PDE8A: variants seen among roughly 807,000 people sequenced by gnomAD.
PDE8A encodes the protein high affinity cAMP-specific and IBMX-insensitive 3',5'-cyclic phosphodiesterase 8A.
PDE8A carries 59 observed loss-of-function variants against 105.0 expected under a neutral mutation model. The ratio of observed to expected loss-of-function variants is 0.56; its 90% confidence interval spans 0.46 to 0.70. The LOEUF (loss-of-function observed/expected upper bound fraction) is 0.70. PDE8A is among the 30% of genes least tolerant of loss of function. The pLI is 0.00. For synonymous variants in PDE8A, 355 were observed against 371.9 expected (o/e 0.95, Z 0.52); for missense variants, 1,014 against 1,045.9 (o/e 0.97, Z 0.42).
chr15:85,089,429 G>T lies in PDE8A; in HGVS notation c.714+13G>T. 1 of 1,442,142 alleles carries T rather than the reference G, an allele frequency of 6.9e-7. No homozygotes were observed. The allele number at this position is 1,442,142 out of a possible 1,614,324, so 89.3% of individuals were successfully genotyped here. A position where few individuals can be genotyped will look rare whatever the true frequency, so the allele number is the denominator to read the frequency against. Reference sequence around the variant, plus strand: ...CCGTTTTATACAGGTTTGTTATTTTGGAAATCTGTCTTTCTGGATTTCTTG... The same window carrying T: ...CCGTTTTATACAGGTTTGTTATTTTTGAAATCTGTCTTTCTGGATTTCTTG... On this transcript the variant is annotated intron_variant, in intron 7 of 21. Transcript: ENST00000394553.
chr15:85,096,129 C>T (rs1342771017), intron 8 of PDE8A, among the ~76,000 whole-genome samples: 1 of 152,118 alleles, frequency 6.6e-6, no homozygotes, highest in Non-Finnish European at 1.5e-5. Flanking sequence ...CTCGCCTCAG[C>T]CTCCCAAAGT....
At chr15:85,086,944 A>T (rs1164837027) in intron 6 of PDE8A, among the ~76,000 whole-genome samples, 1 of 151,442 alleles carries the variant, frequency 6.6e-6, no homozygotes, top group African/African-American at 2.4e-5. Flanking sequence ...TGTATTTTTT[A>T]GTAGATACGG....
chr15:85,132,656 A>C (rs1387818118), intron 20 of PDE8A, among the ~76,000 whole-genome samples: 2 of 151,978 alleles, frequency 1.3e-5, no homozygotes, highest in Non-Finnish European at 2.9e-5. Context: ...AGTAGAGATG[A>C]GGTTTCGCCA....
intron 1 of PDE8A, among the ~76,000 whole-genome samples, chr15:85,050,368 C>T (rs529491519): frequency 5.9e-5 from 9 of 152,068 alleles, no homozygotes; most frequent in Admixed American, 5.9e-4. Context: ...CCATTGATAT[C>T]ATACCCAAAA....
At chr15:85,112,615 C>T (rs1217411519) in intron 12 of PDE8A, among the ~76,000 whole-genome samples, 1 of 152,178 alleles carries the variant, frequency 6.6e-6, no homozygotes, top group African/African-American at 2.4e-5. Context: ...CCTTGGGCCT[C>T]AGTTTCTTCA....
chr15:85,085,402 A>G (rs542350427), intron 6 of PDE8A, among the ~76,000 whole-genome samples: 1 of 152,374 alleles, frequency 6.6e-6, no homozygotes, highest in East Asian at 1.9e-4. Flanking sequence ...AAACTAGAAT[A>G]TAAAAACCAG....
Position 85,014,653 on chromosome 15 carries a change from C to T in PDE8A, c.186+32305C>T, listed in dbSNP as rs145725011. On this transcript the variant is annotated intron_variant, in intron 1 of 21. Transcript: ENST00000394553. ...TATATTGATGTTCATATATTTATAC[C>T]CCTTTTAGAGAAATGGTGGCATACT... 2.3e-3 allele frequency among the ~76,000 whole-genome samples: 344 copies of T among 151,968 alleles called. 2 individuals are homozygous for T. The highest frequency in any genetic ancestry group is 4.1e-3 in the Non-Finnish European group (280 of 67,968).
At position 85,123,072 on chromosome 15, in the gene PDE8A, G is replaced by A. The variant is rs558540361; in HGVS notation, c.1964G>A (p.Arg655Gln). ...IFKNMERNDY[R>Q]TLRQGIIDMV... ...GTCATCGAAAACAGGAATGATTATC[G>A]GACACTGCGCCAGGGGATTATCGAC... Residue 655 changes from arginine to glutamine, a missense_variant, in exon 19 of 22, where the codon CGG becomes CAG. By Grantham distance (43) the Arg-to-Gln change is conservative (BLOSUM62 1). Coordinates refer to ENST00000394553, the MANE Select transcript of PDE8A (RefSeq NM_002605.3). The A allele has an allele frequency of 5.6e-6, 9 of 1,613,762 alleles. No homozygotes were observed. The East Asian group carries it at 6.7e-5, about 12-fold the overall frequency.
At chr15:84,986,918 T>C (rs2079811841) in intron 1 of PDE8A, among the ~76,000 whole-genome samples, 1 of 152,206 alleles carries the variant, frequency 6.6e-6, no homozygotes, top group Admixed American at 6.5e-5. Flanking sequence ...CCCAACTGAT[T>C]ACTCAAAATT....
At chr15:85,054,096 T>C (rs1162228055) in intron 1 of PDE8A, among the ~76,000 whole-genome samples, 1 of 152,214 alleles carries the variant, frequency 6.6e-6, no homozygotes, top group Non-Finnish European at 1.5e-5. Flanking sequence ...TTGTCTTTGG[T>C]TCTGTTTATA....
intron 1 of PDE8A, among the ~76,000 whole-genome samples, chr15:84,999,344 A>ACCAGGTCAGATC (rs1327113242): frequency 1.3e-5 from 2 of 151,952 alleles, no homozygotes; most frequent in African/African-American, 4.8e-5. Context: ...CTGGTCTTTG[A>ACCAGGTCAGATC]ACTCCTGACC....
intron 1 of PDE8A, among the ~76,000 whole-genome samples, chr15:85,061,722 G>T (rs992895248): frequency 1.3e-5 from 2 of 152,012 alleles, no homozygotes; most frequent in Non-Finnish European, 2.9e-5. Flanking sequence ...TGGGACTCCC[G>T]TGATGCATAT....
chr15:84,982,327 T>C lies in PDE8A; in HGVS notation c.165T>C (p.Leu55=). ...GCGCCGGCCTCTTGGAGTCGGAGCT[T>C]CGCGACGGCAGCGGCAAGAAGGTAA... ...TRGAGLLESE[L]RDGSGKKVAV... Residue 55 remains leucine, a synonymous_variant, in exon 1 of 22, where the codon CTT becomes CTC. Transcript: ENST00000394553. 7.5e-7 allele frequency: 1 copy of C among 1,326,496 alleles called. No individual in the cohort carries two copies. Among genetic ancestry groups the C allele is most frequent in the Non-Finnish European group, 9.6e-7 (1 of 1,041,594 alleles). The allele number at this position is 1,326,496 out of a possible 1,614,324, so 82.2% of individuals were successfully genotyped here. A position where few individuals can be genotyped will look rare whatever the true frequency, so the allele number is the denominator to read the frequency against.
chr15:85,076,639 A>G, intron 4 of PDE8A, 94 bp from the exon 5 acceptor site: 1 of 791,466 alleles, frequency 1.3e-6, no homozygotes, highest in Non-Finnish European at 2.3e-6. Context: ...AGTACTCATT[A>G]CATAACGAAG....
At chr15:85,063,519 G>C (rs543563283) in intron 1 of PDE8A, 5 of 152,298 alleles carry the variant, frequency 3.3e-5, no homozygotes, top group East Asian at 1.9e-4. Flanking sequence ...CCTTTGTGTT[G>C]TATACAGGCT....
At chr15:85,058,023 CGTTGTTTT>C (rs1322078233) in intron 1 of PDE8A, among the ~76,000 whole-genome samples, 1 of 151,864 alleles carries the variant, frequency 6.6e-6, no homozygotes, top group Non-Finnish European at 1.5e-5. Flanking sequence ...TTGTTGTTGT[CGTTGTTTT>C]GTTTTTGAGA....
At chr15:84,989,157 G>A (rs1160512475) in intron 1 of PDE8A, among the ~76,000 whole-genome samples, 6 of 152,322 alleles carry the variant, frequency 3.9e-5, no homozygotes, top group African/African-American at 1.4e-4. Flanking sequence ...GAGTGGTAGA[G>A]TATCATGTCA....
chr15:85,126,392 T>TTAAGTTTCTC lies in PDE8A; in HGVS notation c.2253+27_2253+28insCTAAGTTTCT. On this transcript the variant is annotated intron_variant, in intron 20 of 21. Coordinates refer to ENST00000394553, the MANE Select transcript of PDE8A (RefSeq NM_002605.3). ...TTTCTCAGGTAAGTTGCTGCCTCTT[T>TTAAGTTTCTC]TAAGTTTCTAGAGAGAGAGAGAGTT... 1 of 1,525,890 alleles carries TTAAGTTTCTC rather than the reference T, an allele frequency of 6.6e-7. No individual in the cohort carries two copies. 94.5% of individuals were successfully genotyped at this position (1,525,890 alleles called of 1,614,324 possible).
At chr15:85,027,400 G>A (rs894229210) in intron 1 of PDE8A, among the ~76,000 whole-genome samples, 1 of 152,198 alleles carries the variant, frequency 6.6e-6, no homozygotes, top group East Asian at 1.9e-4. Context: ...GAGCAAGGTG[G>A]TGTCTGTGGT....
Sources: allele counts gnomAD v4.1 joint callset (sites outside exome capture counted in the v4.1 genomes callset), GRCh38; gene constraint gnomAD v4.1.1; transcripts MANE v1.5; gene names NCBI Gene and HGNC (gene_info 2026-07-23, HGNC 2026-07-21).